The following PLPP4 variants were observed in gnomAD, a reference collection of about 807,000 sequenced individuals.
PLPP4 encodes the protein diacylglycerol pyrophosphate like 2.
Under a neutral mutation model 32.2 loss-of-function variants are expected in PLPP4, and 20 were observed. That is an observed-to-expected ratio of 0.62 (90% CI 0.44 to 0.90). The LOEUF (loss-of-function observed/expected upper bound fraction) is 0.90. Ranked by LOEUF, PLPP4 falls within the 40% of genes least tolerant of loss-of-function variation. The probability of loss-of-function intolerance (pLI) is 0.00; values close to 1 mark genes in which losing one functional copy is unlikely to be tolerated. For synonymous variants in PLPP4, 127 were observed against 133.0 expected (o/e 0.95, Z 0.31); for missense variants, 257 against 353.1 (o/e 0.73, Z 2.18).
chr10:120,496,472 G>A (rs1589764625), intron 1 of PLPP4, among the ~76,000 whole-genome samples: 1 of 152,120 alleles, frequency 6.6e-6, no homozygotes, highest in South Asian at 2.1e-4. Flanking sequence ...GGTGGCTCTG[G>A]GTGGGAGGCT....
At chr10:120,472,768 A>G (rs374655934) in intron 1 of PLPP4, among the ~76,000 whole-genome samples, 14 of 151,976 alleles carry the variant, frequency 9.2e-5, no homozygotes, top group Non-Finnish European at 1.5e-4. Flanking sequence ...TGGATGCTCT[A>G]TTCTATTTTT....
chr10:120,511,822 G>A (rs914360625), intron 2 of PLPP4, among the ~76,000 whole-genome samples: 2 of 152,094 alleles, frequency 1.3e-5, no homozygotes, highest in East Asian at 1.9e-4. Context: ...GGCCAGGTGC[G>A]GTGGCTCACA....
chr10:120,475,103 A>G (rs957793182), intron 1 of PLPP4, among the ~76,000 whole-genome samples: 1 of 152,144 alleles, frequency 6.6e-6, no homozygotes, highest in African/African-American at 2.4e-5. Flanking sequence ...GAAATCATGG[A>G]TACAAAGGGG....
intron 3 of PLPP4, among the ~76,000 whole-genome samples, chr10:120,515,981 C>T (rs1845919612): frequency 6.6e-6 from 1 of 152,178 alleles, no homozygotes; most frequent in East Asian, 1.9e-4. Flanking sequence ...CTAAATCTCC[C>T]TTAGGGTGAC....
chr10:120,518,701 A>G, intron 3 of PLPP4, 132 bp from the exon 4 acceptor site: 1 of 673,974 alleles, frequency 1.5e-6, no homozygotes, highest in Non-Finnish European at 2.4e-6. Context: ...TCTGTTTTCA[A>G]AGTATTCGTT....
chr10:120,512,159 C>T (rs7077111), intron 2 of PLPP4, among the ~76,000 whole-genome samples: 64,859 of 152,056 alleles, frequency 0.43, 14,241 homozygotes, highest in South Asian at 0.59. Flanking sequence ...ATCAGTACTT[C>T]AACAAGCCGT....
chr10:120,466,570 A>C (rs942057024), intron 1 of PLPP4, among the ~76,000 whole-genome samples: 4 of 152,154 alleles, frequency 2.6e-5, no homozygotes, highest in African/African-American at 9.7e-5. Context: ...GGCTTGGCAG[A>C]CTGGGGAGTT....
rs539233527 is a variant in PLPP4, at chr10:120,491,921, A to G, written c.57-11897A>G. Among the ~76,000 whole-genome samples, 8 of 152,368 alleles carry G rather than the reference A, an allele frequency of 5.3e-5. No individual in the cohort carries two copies. The South Asian group carries it at 1.7e-3, about 32-fold the overall frequency. On this transcript the variant is annotated intron_variant, in intron 1 of 6. Coordinates refer to ENST00000398250, the MANE Select transcript of PLPP4 (RefSeq NM_001030059.3). Reference sequence around the variant, plus strand: ...ACTATTGTAATACCTGATGAAATTAATAATAATTTCTTTGAATCAGGATCC... The same window carrying G: ...ACTATTGTAATACCTGATGAAATTAGTAATAATTTCTTTGAATCAGGATCC...
intron 3 of PLPP4, among the ~76,000 whole-genome samples, chr10:120,518,193 G>A (rs1846009360): frequency 6.6e-6 from 1 of 152,180 alleles, no homozygotes; most frequent in Non-Finnish European, 1.5e-5. Context: ...GAAAGTCCCT[G>A]TGCTCTGTAT....
At chr10:120,503,549 G>T in intron 1 of PLPP4, 1 of 1,603,554 alleles carries the variant, frequency 6.2e-7, no homozygotes, top group Non-Finnish European at 8.5e-7. Flanking sequence ...CAAGTCCTTG[G>T]AGTCTTTGTA....
rs539986696 is a variant in PLPP4 at position 120,472,582 on chromosome 10, C to G, written c.56+15221C>G. On this transcript the variant is annotated intron_variant, in intron 1 of 6. Coordinates refer to ENST00000398250, the MANE Select transcript of PLPP4 (RefSeq NM_001030059.3). ...AGGTTGGTCTCATTAGTATTTTTCCCATTTCTTTTCATTGAGATTATTGGA... is the reference window on the plus strand; with the variant it reads ...AGGTTGGTCTCATTAGTATTTTTCCGATTTCTTTTCATTGAGATTATTGGA... Among the ~76,000 whole-genome samples the G allele has an allele frequency of 5.3e-5, 8 of 152,080 alleles. No homozygotes were observed. In the South Asian group the frequency reaches 1.7e-3, roughly 32 times the overall value.
intron 1 of PLPP4, among the ~76,000 whole-genome samples, chr10:120,494,797 T>G (rs1844889578): frequency 6.6e-6 from 1 of 152,234 alleles, no homozygotes; most frequent in Admixed American, 6.5e-5. Flanking sequence ...CTGTGCATTC[T>G]TTCTTTCCCC....
chr10:120,589,708 ATC>A lies in PLPP4; in HGVS notation c.*210_*211del. 1.8e-6 allele frequency: 1 copy of A among 563,248 alleles called. No homozygotes were observed. The highest frequency in any genetic ancestry group is 3.1e-6 in the Non-Finnish European group (1 of 319,842). The allele number at this position is 563,248 out of a possible 1,614,324, so 34.9% of individuals were successfully genotyped here. A position where few individuals can be genotyped will look rare whatever the true frequency, so the allele number is the denominator to read the frequency against. ...TTGAATTTGCAAGTGAAGGACAACAATCTCTGAGAGACGTGTGGAAGAGGCTG... is the reference window on the plus strand; with the variant it reads ...TTGAATTTGCAAGTGAAGGACAACAATCTGAGAGACGTGTGGAAGAGGCTG... On this transcript the variant is annotated 3_prime_UTR_variant, in exon 7 of 7. Transcript: ENST00000398250.
At chr10:120,546,002 T>C (rs971146208) in intron 5 of PLPP4, among the ~76,000 whole-genome samples, 3 of 152,184 alleles carry the variant, frequency 2.0e-5, no homozygotes, top group Non-Finnish European at 4.4e-5. Flanking sequence ...CCCTTGAACA[T>C]TGGACTCCAA....
At chr10:120,581,752 C>T (rs139060914) in intron 6 of PLPP4, among the ~76,000 whole-genome samples, 1 of 152,190 alleles carries the variant, frequency 6.6e-6, no homozygotes, top group African/African-American at 2.4e-5. Flanking sequence ...GTCACCTTCT[C>T]CGTCTCGTGA....
chr10:120,579,487 T>TA (rs1849380750), intron 6 of PLPP4, among the ~76,000 whole-genome samples: 1 of 152,138 alleles, frequency 6.6e-6, no homozygotes, highest in Non-Finnish European at 1.5e-5. Flanking sequence ...ATGAACTAAA[T>TA]ATAGTTACCA....
intron 5 of PLPP4, among the ~76,000 whole-genome samples, chr10:120,532,116 G>A (rs1438765013): frequency 6.6e-6 from 1 of 152,022 alleles, no homozygotes; most frequent in Non-Finnish European, 1.5e-5. Context: ...CTGTGTCCAT[G>A]TGTTCTCATT....
In PLPP4 at chr10:120,576,799, G is replaced by A. The variant is rs116959505; in HGVS notation, c.616+1498G>A. Among the ~76,000 whole-genome samples the A allele has an allele frequency of 1.4e-4, 22 of 152,310 alleles. No homozygotes were observed. In the East Asian group the frequency reaches 4.1e-3, roughly 28 times the overall value. On this transcript the variant is annotated intron_variant, in intron 6 of 6. Transcript: ENST00000398250. Reference sequence around the variant, plus strand: ...ATGAAATTCTGGATGATAAGAAGCCGCATCATGAGATGGAAGGATGGACAG... The same window carrying A: ...ATGAAATTCTGGATGATAAGAAGCCACATCATGAGATGGAAGGATGGACAG...
intron 1 of PLPP4, among the ~76,000 whole-genome samples, chr10:120,465,184 A>G (rs1332164340): frequency 6.6e-6 from 1 of 152,224 alleles, no homozygotes; most frequent in African/African-American, 2.4e-5. Flanking sequence ...TGCTTCTTTA[A>G]AAAATATTAT....
Sources: allele counts gnomAD v4.1 joint callset (sites outside exome capture counted in the v4.1 genomes callset), GRCh38; gene constraint gnomAD v4.1.1; transcripts MANE v1.5; gene names NCBI Gene and HGNC (gene_info 2026-07-23, HGNC 2026-07-21).